Variants in CAMTA1 observed in about 807,000 individuals in gnomAD.
CAMTA1 encodes the protein calmodulin-binding transcription activator 1.
CAMTA1 carries 27 observed loss-of-function variants against 170.9 expected under a neutral mutation model. The observed-to-expected ratio is 0.16, with a 90% CI of 0.12 to 0.22. CAMTA1 has a LOEUF of 0.22. Ranked by LOEUF, CAMTA1 falls within the 10% of genes least tolerant of loss-of-function variation. CAMTA1 has a pLI of 1.00. For synonymous variants in CAMTA1, 833 were observed against 891.5 expected (o/e 0.93, Z 1.17); for missense variants, 1,619 against 2,217.2 (o/e 0.73, Z 5.42).
intron 6 of CAMTA1, among the ~76,000 whole-genome samples, chr1:7,586,959 A>T (rs1015397498): frequency 6.6e-6 from 1 of 151,918 alleles, no homozygotes; most frequent in African/African-American, 2.4e-5. Flanking sequence ...TGGTGGACTC[A>T]AAGTAGCCCA....
chr1:7,377,686 C>T (rs1045521966), intron 5 of CAMTA1, among the ~76,000 whole-genome samples: 10 of 152,044 alleles, frequency 6.6e-5, no homozygotes, highest in African/African-American at 1.7e-4. Flanking sequence ...TTGAGGAGGC[C>T]GAGGCAGGTG....
intron 21 of CAMTA1, among the ~76,000 whole-genome samples, chr1:7,753,252 A>C (rs777467465): frequency 1.3e-5 from 2 of 152,250 alleles, no homozygotes; most frequent in Non-Finnish European, 1.5e-5. Flanking sequence ...AGATTTCTTT[A>C]TGAAGACTAG....
At chr1:6,962,725 T>C (rs879686250) in intron 3 of CAMTA1, among the ~76,000 whole-genome samples, 39 of 140,390 alleles carry the variant, frequency 2.8e-4, no homozygotes, top group Non-Finnish European at 4.9e-4. Context: ...CCCTGCCCCA[T>C]GGCTGGCCCC....
intron 5 of CAMTA1, among the ~76,000 whole-genome samples, chr1:7,272,923 A>T (rs556700724): frequency 1.3e-5 from 2 of 152,268 alleles, no homozygotes; most frequent in South Asian, 2.1e-4. Context: ...TAAAAGAAAA[A>T]TAATAGAAAT....
At chr1:7,594,117 G>GAAAGAAAGAAAGAAAGAAAGAA (rs572409468) in intron 6 of CAMTA1, among the ~76,000 whole-genome samples, 1 of 130,720 alleles carries the variant, frequency 7.6e-6, no homozygotes, top group African/African-American at 3.5e-5. Flanking sequence ...GAAAGAAAGA[G>GAAAGAAAGAAAGAAAGAAAGAA]AGAAAGAAAG....
chr1:7,162,616 A>G (rs1271337655), intron 4 of CAMTA1, among the ~76,000 whole-genome samples: 3 of 152,178 alleles, frequency 2.0e-5, no homozygotes, highest in Non-Finnish European at 2.9e-5. Context: ...AGGTTTATTC[A>G]TATTTTAGCA....
Position 6,970,692 on chromosome 1 carries a change from C to G in CAMTA1, c.235-120612C>G, listed in dbSNP as rs1692366779. Among the ~76,000 whole-genome samples, 1 of 152,202 alleles carries G rather than the reference C, an allele frequency of 6.6e-6. No homozygotes were observed. Among genetic ancestry groups the G allele is most frequent in the Non-Finnish European group, 1.5e-5 (1 of 68,020 alleles). ...TCAGAAGCACAGGGGGCTACTAGAG[C>G]ACCTGTTCAGGACGTATCATCCAGT... On this transcript the variant is annotated intron_variant, in intron 3 of 22. Transcript: ENST00000303635. The surrounding 1 kb of genome is among the most constrained non-coding windows in gnomAD (Gnocchi z 4.4).
chr1:7,008,389 G>A (rs986652190), intron 3 of CAMTA1: 5 of 152,402 alleles, frequency 3.3e-5, no homozygotes, highest in African/African-American at 1.2e-4. Context: ...TGGCTTGTTT[G>A]TTGCTTTAAT....
At chr1:7,755,326 C>CAAAAAAA (rs70987373) in intron 21 of CAMTA1, among the ~76,000 whole-genome samples, 1 of 61,970 alleles carries the variant, frequency 1.6e-5, no homozygotes, top group African/African-American at 6.8e-5. Flanking sequence ...GACTCCGTCT[C>CAAAAAAA]AAAAAAAAAA....
intron 22 of CAMTA1, among the ~76,000 whole-genome samples, chr1:7,764,456 C>A (rs2097001787): frequency 6.6e-6 from 1 of 152,152 alleles, no homozygotes; most frequent in African/African-American, 2.4e-5. Context: ...TAAAGCTTTT[C>A]TTCTAAAAGA....
intron 5 of CAMTA1, among the ~76,000 whole-genome samples, chr1:7,318,701 A>G (rs1677909055): frequency 6.6e-6 from 1 of 152,098 alleles, no homozygotes; most frequent in Non-Finnish European, 1.5e-5. Context: ...CAGAGGGAGA[A>G]CCCTTCTCTG....
chr1:7,437,213 T>C (rs2092376579), intron 5 of CAMTA1, among the ~76,000 whole-genome samples: 1 of 152,148 alleles, frequency 6.6e-6, no homozygotes, highest in African/African-American at 2.4e-5. Context: ...GGCCCCTCTT[T>C]AGCCTCCAGG....
chr1:7,143,799 C>G (rs1558161091), intron 4 of CAMTA1, among the ~76,000 whole-genome samples: 1 of 152,200 alleles, frequency 6.6e-6, no homozygotes, highest in Non-Finnish European at 1.5e-5. Context: ...TCAACTTATA[C>G]TAAGTGTACT....
intron 11 of CAMTA1, among the ~76,000 whole-genome samples, chr1:7,697,685 C>T (rs1424368207): frequency 1.3e-5 from 2 of 152,170 alleles, no homozygotes; most frequent in Non-Finnish European, 2.9e-5. Flanking sequence ...GGTTTCACTC[C>T]GCTTCCTTGG....
At chr1:7,278,799 C>T (rs1351685272) in intron 5 of CAMTA1, among the ~76,000 whole-genome samples, 1 of 152,146 alleles carries the variant, frequency 6.6e-6, no homozygotes, top group African/African-American at 2.4e-5. Flanking sequence ...ACGTAGCTTC[C>T]AGTCCGGTAG....
chr1:7,367,978 A>G (rs369424259), intron 5 of CAMTA1, among the ~76,000 whole-genome samples: 8,807 of 40,902 alleles, frequency 0.22, no homozygotes, highest in Middle Eastern at 0.25. Flanking sequence ...GCATGCCCTG[A>G]GCACTCATGG....
At chr1:7,068,253 T>G (rs1225814631) in intron 3 of CAMTA1, among the ~76,000 whole-genome samples, 1 of 152,150 alleles carries the variant, frequency 6.6e-6, no homozygotes, top group Admixed American at 6.6e-5. Context: ...TTGTGCTCAG[T>G]TTTGTACACA....
chr1:7,666,215 T>A (rs572217252), intron 9 of CAMTA1, among the ~76,000 whole-genome samples: 1 of 150,828 alleles, frequency 6.6e-6, no homozygotes, highest in African/African-American at 2.4e-5. Flanking sequence ...ATCGTCTACA[T>A]CCACTGCCTT....
At position 7,482,863 on chromosome 1, in the gene CAMTA1, C is replaced by T. The variant is rs1483199211; in HGVS notation, c.510+14962C>T. ...GGTGCAGGCGTCTCCTGTGGAAAGT[C>T]CCCAGCTCAGGTCCCTGATGCAGGG... is the stretch of plus-strand genomic sequence containing the variant. On this transcript the variant is annotated intron_variant, in intron 6 of 22. Transcript: ENST00000303635. The surrounding 1 kb of genome is among the most constrained non-coding windows in gnomAD (Gnocchi z 4.2). 6.6e-6 allele frequency among the ~76,000 whole-genome samples: 1 copy of T among 152,096 alleles called. No individual in the cohort carries two copies. Among genetic ancestry groups the T allele is most frequent in the Admixed American group, 6.5e-5 (1 of 15,278 alleles).
Sources: gnomAD v4.1 joint callset for allele counts (sites outside exome capture counted in the v4.1 genomes callset) on GRCh38, gnomAD v4.1.1 for gene constraint, Gnocchi (gnomAD v3.1) non-coding constraint, MANE v1.5 for transcripts, NCBI Gene and HGNC (gene_info 2026-07-23, HGNC 2026-07-21) for gene names.